Variants in DNM3 observed in about 807,000 individuals in gnomAD.
The protein encoded by DNM3 is dynamin 3, also known as dynamin-3.
In DNM3, 47 loss-of-function variants were observed where a neutral mutation model predicts 101.6. The observed-to-expected ratio is 0.46, with a 90% CI of 0.37 to 0.59. The LOEUF (loss-of-function observed/expected upper bound fraction) is 0.59. DNM3 is among the 20% of genes least tolerant of loss of function. DNM3 has a pLI of 0.00. For synonymous variants in DNM3, 385 were observed against 387.9 expected (o/e 0.99, Z 0.09); for missense variants, 849 against 1,085.7 (o/e 0.78, Z 3.06).
intron 10 of DNM3, among the ~76,000 whole-genome samples, chr1:172,067,442 T>C (rs1323255507): frequency 1.3e-5 from 2 of 152,122 alleles, no homozygotes; most frequent in Non-Finnish European, 2.9e-5. Context: ...ATTGCAAGGA[T>C]CTGCTTGATG....
In DNM3 at chr1:172,097,906, G is replaced by A. The variant is rs142131961; in HGVS notation, c.1545+5031G>A. On this transcript the variant is annotated intron_variant, in intron 13 of 20. Coordinates refer to ENST00000627582, the MANE Select transcript of DNM3 (RefSeq NM_015569.5). ...GCCCCCTGAGCCGTAAAACCAGCAA[G>A]TTTTTATTAGTGATTTTCAAAAGGG... Among the ~76,000 whole-genome samples, 866 of 151,964 alleles carry A rather than the reference G, an allele frequency of 5.7e-3. 10 individuals carry two copies. Among genetic ancestry groups the A allele is most frequent in the African/African-American group, 0.02 (819 of 41,378 alleles).
intron 13 of DNM3, 78 bp downstream of exon 13, chr1:172,092,953 A>C (rs1296554297): frequency 1.5e-6 from 2 of 1,328,454 alleles, no homozygotes; most frequent in African/African-American, 3.0e-5. Context: ...CTATTTTTTT[A>C]ATGCAAATTA....
Position 172,412,507 on chromosome 1 carries a change from C to T in DNM3, c.*4666C>T, listed in dbSNP as rs1573798613. 3.0e-6 allele frequency: 3 copies of T among 985,632 alleles called. No homozygotes were observed. The African/African-American group carries it at 5.2e-5, about 17-fold the overall frequency. 61.1% of individuals were successfully genotyped at this position (985,632 alleles called of 1,614,324 possible). A position where few individuals can be genotyped will look rare whatever the true frequency, so the allele number is the denominator to read the frequency against. On this transcript the variant is annotated 3_prime_UTR_variant, in exon 21 of 21. Transcript: ENST00000627582. ...ATATACAGAAGTAAAATCTTGTCTT[C>T]TCTGCTGATTCTTTAATTAATATGA... is the stretch of plus-strand genomic sequence containing the variant.
chr1:172,085,954 T>C (rs2053502182), intron 12 of DNM3, among the ~76,000 whole-genome samples: 1 of 152,206 alleles, frequency 6.6e-6, no homozygotes, highest in Non-Finnish European at 1.5e-5. Context: ...TTTTGACTTA[T>C]ATGCAAATTT....
At chr1:171,851,968 T>C (rs1368336169) in intron 1 of DNM3, among the ~76,000 whole-genome samples, 1 of 152,244 alleles carries the variant, frequency 6.6e-6, no homozygotes, top group Non-Finnish European at 1.5e-5. Context: ...TAATATTACT[T>C]CTAGTCATTT....
chr1:172,143,639 G>T (rs2057713749), intron 14 of DNM3, among the ~76,000 whole-genome samples: 1 of 151,990 alleles, frequency 6.6e-6, no homozygotes, highest in Non-Finnish European at 1.5e-5. Flanking sequence ...TATTTTAAAT[G>T]CTCAGAGAAG....
Position 172,356,765 on chromosome 1 carries a change from C to T in DNM3, c.1894-22253C>T, listed in dbSNP as rs546616084. Among the ~76,000 whole-genome samples the T allele has an allele frequency of 1.4e-4, 21 of 152,128 alleles. No individual in the cohort carries two copies. In the South Asian group the frequency reaches 4.4e-3, roughly 32 times the overall value. ...TTTACCACTAGGAGAGTTATGTACTCACTGTGACTCACAGAAAAAGATAAG... is the reference window on the plus strand; with the variant it reads ...TTTACCACTAGGAGAGTTATGTACTTACTGTGACTCACAGAAAAAGATAAG... On this transcript the variant is annotated intron_variant, in intron 17 of 20. Transcript: ENST00000627582.
intron 4 of DNM3, among the ~76,000 whole-genome samples, chr1:172,018,281 T>G (rs1045770912): frequency 2.0e-5 from 3 of 152,186 alleles, no homozygotes; most frequent in African/African-American, 7.2e-5. Flanking sequence ...TCCTTGTTTT[T>G]GTATCCCACT....
intron 14 of DNM3, among the ~76,000 whole-genome samples, chr1:172,177,395 T>G (rs2059191298): frequency 1.3e-5 from 2 of 151,876 alleles, no homozygotes; most frequent in African/African-American, 4.8e-5. Context: ...ATCATAGCTA[T>G]GTATGTATGG....
At chr1:172,141,666 T>C (rs2057587352) in intron 14 of DNM3, among the ~76,000 whole-genome samples, 1 of 152,044 alleles carries the variant, frequency 6.6e-6, no homozygotes, top group Non-Finnish European at 1.5e-5. Context: ...CAGAGTGAAA[T>C]ACATGGGTGG....
intron 1 of DNM3, among the ~76,000 whole-genome samples, chr1:171,877,705 A>G (rs970448773): frequency 6.6e-6 from 1 of 152,196 alleles, no homozygotes; most frequent in African/African-American, 2.4e-5. Flanking sequence ...CTTGCAATGG[A>G]GAGTTAAAAA....
At position 171,847,929 on chromosome 1, in the gene DNM3, T is replaced by TGC. The variant is rs2032414092; in HGVS notation, c.161+6113_161+6114insCG. Among the ~76,000 whole-genome samples the TGC allele has an allele frequency of 9.9e-5, 15 of 151,396 alleles. 1 individual carries two copies. The highest frequency in any genetic ancestry group is 9.9e-4 in the Admixed American group (15 of 15,220). On this transcript the variant is annotated intron_variant, in intron 1 of 20. Coordinates refer to ENST00000627582, the MANE Select transcript of DNM3 (RefSeq NM_015569.5). ...GTGTGTGTGTGTGTGTGTGTGTGTG[T>TGC]GTGATCATAGGTAGCTTAGCTTTTC... is the stretch of plus-strand genomic sequence containing the variant.
At chr1:172,251,918 AG>A (rs1212470574) in intron 14 of DNM3, among the ~76,000 whole-genome samples, 3 of 152,150 alleles carry the variant, frequency 2.0e-5, no homozygotes, top group Non-Finnish European at 4.4e-5. Flanking sequence ...TTTGCCTCTT[AG>A]AATTCTGTCC....
chr1:172,079,715 A>G (rs1198379811), intron 11 of DNM3, among the ~76,000 whole-genome samples: 1 of 151,936 alleles, frequency 6.6e-6, no homozygotes, highest in East Asian at 1.9e-4. Flanking sequence ...GGTTTTTGGA[A>G]TTTTCAGCCT....
At chr1:171,909,754 G>A (rs572762060) in intron 1 of DNM3, among the ~76,000 whole-genome samples, 13 of 152,210 alleles carry the variant, frequency 8.5e-5, no homozygotes, top group Middle Eastern at 3.4e-3. Flanking sequence ...TACCGTTATT[G>A]GTTTTGTTAC....
chr1:172,232,377 G>A (rs532033892), intron 14 of DNM3, among the ~76,000 whole-genome samples: 1 of 152,276 alleles, frequency 6.6e-6, no homozygotes, highest in African/African-American at 2.4e-5. Context: ...GGAGCACCCA[G>A]ATTCATAAAG....
chr1:171,985,576 G>A (rs553637030), intron 2 of DNM3, among the ~76,000 whole-genome samples: 80 of 152,222 alleles, frequency 5.3e-4, no homozygotes, highest in African/African-American at 1.7e-3. Context: ...ATGAGCTTTC[G>A]GGAGACTTAG....
intron 9 of DNM3, among the ~76,000 whole-genome samples, chr1:172,047,831 G>A (rs1404289782): frequency 6.6e-6 from 1 of 151,744 alleles, no homozygotes; most frequent in African/African-American, 2.4e-5. Flanking sequence ...GAGAGAAGAG[G>A]GCCTAGGAGT....
intron 11 of DNM3, among the ~76,000 whole-genome samples, 178 bp from the exon 12 acceptor site, chr1:172,081,654 T>C (rs2053157871): frequency 6.6e-6 from 1 of 152,258 alleles, no homozygotes; most frequent in African/African-American, 2.4e-5. Context: ...TTTTAACTTA[T>C]GAATTTAGAG....
Sources: allele counts gnomAD v4.1 joint callset (sites outside exome capture counted in the v4.1 genomes callset), GRCh38; gene constraint gnomAD v4.1.1; transcripts MANE v1.5; gene names NCBI Gene and HGNC (gene_info 2026-07-23, HGNC 2026-07-21).